Variants in IGF1 observed in about 807,000 individuals in gnomAD.
IGF1 encodes insulin like growth factor 1.
In IGF1, 4 loss-of-function variants were observed where a neutral mutation model predicts 13.8. The observed-to-expected ratio is 0.29, with a 90% CI of 0.14 to 0.66. The LOEUF is 0.66. IGF1 is among the 30% of genes least tolerant of loss of function. The probability of loss-of-function intolerance (pLI) is 0.78; values close to 1 mark genes in which losing one functional copy is unlikely to be tolerated. For missense variants in IGF1, 124 were observed against 188.5 expected, an observed-to-expected ratio of 0.66 and a Z score of 2.00; for synonymous variants, 76 against 72.6, an observed-to-expected ratio of 1.05 and a Z score of -0.23.
At chr12:102,403,710 A>T (rs1159589232) in intron 3 of IGF1, among the ~76,000 whole-genome samples, 1 of 128,898 alleles carries the variant, frequency 7.8e-6, no homozygotes, top group African/African-American at 3.0e-5. Context: ...GGCTCAGGTG[A>T]TCTGCCTGGC....
intron 2 of IGF1, among the ~76,000 whole-genome samples, chr12:102,466,411 G>A (rs1025035136): frequency 2.0e-5 from 3 of 152,178 alleles, no homozygotes; most frequent in Non-Finnish European, 4.4e-5. Flanking sequence ...CTTGATGGTC[G>A]TGACTGGGAG....
chr12:102,472,122 A>G (rs913733969), intron 2 of IGF1, among the ~76,000 whole-genome samples: 2 of 152,146 alleles, frequency 1.3e-5, no homozygotes, highest in Non-Finnish European at 2.9e-5. Flanking sequence ...GCAAGAACAC[A>G]AGGCTGGCTG....
chr12:102,466,202 T>G (rs981316766), intron 2 of IGF1, among the ~76,000 whole-genome samples: 1 of 152,156 alleles, frequency 6.6e-6, no homozygotes, highest in African/African-American at 2.4e-5. Flanking sequence ...AAAACCACAA[T>G]GACTCTTCTC....
At chr12:102,429,276 T>G (rs1876520435) in intron 2 of IGF1, among the ~76,000 whole-genome samples, 1 of 152,194 alleles carries the variant, frequency 6.6e-6, no homozygotes, top group Non-Finnish European at 1.5e-5. Flanking sequence ...TTCTTTCCCT[T>G]TTATTCTTAA....
intron 2 of IGF1, among the ~76,000 whole-genome samples, chr12:102,424,016 A>G (rs1875979356): frequency 3.3e-5 from 5 of 152,194 alleles, no homozygotes. Context: ...GAAACTTCCC[A>G]TCTTGCTTCT....
At chr12:102,411,378 T>G (rs545006024) in intron 3 of IGF1, among the ~76,000 whole-genome samples, 153 of 152,318 alleles carry the variant, frequency 1.0e-3, no homozygotes, top group Non-Finnish European at 1.8e-3. Context: ...TTGCCATAAT[T>G]GTGAACTAAA....
intron 2 of IGF1, among the ~76,000 whole-genome samples, chr12:102,449,304 C>G (rs1469291341): frequency 6.7e-6 from 1 of 149,190 alleles, no homozygotes; most frequent in Non-Finnish European, 1.5e-5. Context: ...AACGGAAAAC[C>G]AAACACCACA....
Position 102,401,188 on chromosome 12 carries a change from T to C in IGF1, c.*1319A>G, listed in dbSNP as rs765196070. 6.8e-4 allele frequency: 105 copies of C among 154,044 alleles called. No homozygotes were observed. The highest frequency in any genetic ancestry group is 1.1e-3 in the Non-Finnish European group (75 of 69,508). The allele number at this position is 154,044 out of a possible 1,614,324, so 9.5% of individuals were successfully genotyped here. Reference sequence around the variant, plus strand: ...TCTTTTTAAACCTTATACCACCCCTTTGAGGTAGGTAGATGACATATTGCC... The same window carrying C: ...TCTTTTTAAACCTTATACCACCCCTCTGAGGTAGGTAGATGACATATTGCC... On this transcript the variant is annotated 3_prime_UTR_variant, in exon 4 of 4. Coordinates refer to ENST00000337514, the MANE Select transcript of IGF1 (RefSeq NM_000618.5).
intron 3 of IGF1, among the ~76,000 whole-genome samples, chr12:102,415,452 A>G (rs1388737160): frequency 6.6e-6 from 1 of 152,110 alleles, no homozygotes; most frequent in African/African-American, 2.4e-5. Flanking sequence ...TTTAGAGTTG[A>G]TAAAACTCAT....
At chr12:102,414,191 CAT>C (rs1874886291) in intron 3 of IGF1, among the ~76,000 whole-genome samples, 1 of 152,090 alleles carries the variant, frequency 6.6e-6, no homozygotes, top group Admixed American at 6.5e-5. Flanking sequence ...CAGACACACA[CAT>C]GCACACACTA....
upstream of IGF1, among the ~76,000 whole-genome samples, chr12:102,481,086 A>G (rs5742612): frequency 0.059 from 9,025 of 152,220 alleles, 522 homozygotes; most frequent in East Asian, 0.31. Context: ...GCCAAGTGAG[A>G]GGTGTGATCT....
At chr12:102,480,646 T>A (rs573759723), upstream of IGF1, 9 of 1,318,482 alleles carry the variant, frequency 6.8e-6, no homozygotes, top group African/African-American at 1.3e-4. Flanking sequence ...ATTTGCCTTC[T>A]CTCTCTCTCC....
chr12:102,465,974 A>C (rs1161590655), intron 2 of IGF1, among the ~76,000 whole-genome samples: 1 of 150,226 alleles, frequency 6.7e-6, no homozygotes. Context: ...TAAATAAATA[A>C]ATAAATAAAT....
At chr12:102,448,706 A>AT (rs1878602557) in intron 2 of IGF1, among the ~76,000 whole-genome samples, 2 of 151,620 alleles carry the variant, frequency 1.3e-5, no homozygotes, top group African/African-American at 4.8e-5. Flanking sequence ...AAAAAAAAAA[A>AT]AAAAAAAAAA....
In IGF1 at chr12:102,402,227, G is replaced by GATATAT. The variant is rs201878788; in HGVS notation, c.*274_*279dup. The GATATAT allele has an allele frequency of 1.0e-5, 2 of 199,830 alleles. No individual in the cohort carries two copies. The highest frequency in any genetic ancestry group is 1.2e-4 in the East Asian group (1 of 8,124). The allele number at this position is 199,830 out of a possible 1,614,324, so 12.4% of individuals were successfully genotyped here. On this transcript the variant is annotated 3_prime_UTR_variant, in exon 4 of 4. Transcript: ENST00000337514. ...GTGGCTCTTGAGAGGCAGGGACTAA[G>GATATAT]ATATATATATATATATATTTTTTTT...
Position 102,396,949 on chromosome 12 carries a change from T to A in IGF1, c.*5558A>T, listed in dbSNP as rs1873240036. ...AGGGTGTGGTGGCTCATGCCTGTAA[T>A]CCCAGCAATTTGGGAGGCTGAGGCG... On this transcript the variant is annotated 3_prime_UTR_variant, in exon 4 of 4. Coordinates refer to ENST00000337514, the MANE Select transcript of IGF1 (RefSeq NM_000618.5). The A allele has an allele frequency of 7.5e-6, 3 of 398,102 alleles. No homozygotes were observed. Among genetic ancestry groups the A allele is most frequent in the Non-Finnish European group, 1.3e-5 (3 of 225,912 alleles). 24.7% of individuals were successfully genotyped at this position (398,102 alleles called of 1,614,324 possible).
intron 3 of IGF1, chr12:102,417,478 A>T (rs536041990): frequency 1.7e-5 from 15 of 874,384 alleles, no homozygotes; most frequent in Non-Finnish European, 2.1e-5. Flanking sequence ...AAAAATGCAT[A>T]TAGAAGCCTT....
At position 102,399,281 on chromosome 12, in the gene IGF1, G is replaced by A. The variant is rs55650342; in HGVS notation, c.*3226C>T. The A allele has an allele frequency of 6.6e-6, 1 of 152,438 alleles. No homozygotes were observed. Among genetic ancestry groups the A allele is most frequent in the Non-Finnish European group, 1.5e-5 (1 of 67,996 alleles). The allele number at this position is 152,438 out of a possible 1,614,324, so 9.4% of individuals were successfully genotyped here. A position where few individuals can be genotyped will look rare whatever the true frequency, so the allele number is the denominator to read the frequency against. Reference sequence around the variant, plus strand: ...AAATAATACTTTAATATTATTTGGGGAAGAGAGAACAGAAATTTGACCTAA... The same window carrying A: ...AAATAATACTTTAATATTATTTGGGAAAGAGAGAACAGAAATTTGACCTAA... On this transcript the variant is annotated 3_prime_UTR_variant, in exon 4 of 4. Transcript: ENST00000337514.
At chr12:102,470,065 A>T (rs1429939346) in intron 2 of IGF1, among the ~76,000 whole-genome samples, 1 of 152,206 alleles carries the variant, frequency 6.6e-6, no homozygotes, top group African/African-American at 2.4e-5. Context: ...TTGATCTCAG[A>T]AGAGAATAAT....
Sources: gnomAD v4.1 joint callset for allele counts (sites outside exome capture counted in the v4.1 genomes callset) on GRCh38, gnomAD v4.1.1 for gene constraint, MANE v1.5 for transcripts, NCBI Gene and HGNC (gene_info 2026-07-23, HGNC 2026-07-21) for gene names.